Variants in MCUB observed in about 807,000 individuals in gnomAD.
The protein encoded by MCUB is calcium uniporter regulatory subunit MCUb, mitochondrial.
MCUB carries 46 observed loss-of-function variants against 41.4 expected under a neutral mutation model. That is an observed-to-expected ratio of 1.11 (90% CI 0.88 to 1.42). The LOEUF (loss-of-function observed/expected upper bound fraction) is 1.42, where lower values mean the gene tolerates loss of function less well. MCUB is among the 40% of genes most tolerant of loss of function. The probability of loss-of-function intolerance (pLI) is 0.00; values close to 1 mark genes in which losing one functional copy is unlikely to be tolerated. For synonymous variants in MCUB, 148 were observed against 148.2 expected, an observed-to-expected ratio of 1.00 and a Z score of 0.01; for missense variants, 403 against 404.9, an observed-to-expected ratio of 1.00 and a Z score of 0.04.
At chr4:109,676,355 A>G (rs1325765978) in intron 4 of MCUB, among the ~76,000 whole-genome samples, 1 of 152,210 alleles carries the variant, frequency 6.6e-6, no homozygotes, top group Non-Finnish European at 1.5e-5. Context: ...TGTGGCCAAC[A>G]TAGTGAAACC....
At chr4:109,683,591 CTTATT>C (rs1027551106) in intron 5 of MCUB, among the ~76,000 whole-genome samples, 3 of 152,110 alleles carry the variant, frequency 2.0e-5, no homozygotes, top group Admixed American at 6.5e-5. Flanking sequence ...CAAATACATT[CTTATT>C]TTATTCTCTT....
At chr4:109,618,458 T>C (rs1285740216) in intron 1 of MCUB, among the ~76,000 whole-genome samples, 1 of 152,226 alleles carries the variant, frequency 6.6e-6, no homozygotes, top group Admixed American at 6.5e-5. Context: ...TTCTCCTGCT[T>C]TATGATAAGA....
At position 109,687,241 on chromosome 4, in the gene MCUB, C is replaced by T. The variant is rs535837068; in HGVS notation, c.934-274C>T. ...GGGCATGGTGGTGGGCACCTGTGGTCCTAGCTACTTGGGAGGCTGAGGCAG... is the reference window on the plus strand; with the variant it reads ...GGGCATGGTGGTGGGCACCTGTGGTTCTAGCTACTTGGGAGGCTGAGGCAG... On this transcript the variant is annotated intron_variant, in intron 7 of 7. Transcript: ENST00000394650. 3.2e-4 allele frequency among the ~76,000 whole-genome samples: 48 copies of T among 152,082 alleles called. No homozygotes were observed. The South Asian group carries it at 9.4e-3, about 30-fold the overall frequency.
intron 6 of MCUB, 68 bp downstream of exon 6, chr4:109,684,714 A>G (rs1579100958): frequency 4.0e-6 from 3 of 747,258 alleles, no homozygotes; most frequent in Non-Finnish European, 6.8e-6. Flanking sequence ...CTAAGCAATG[A>G]GCAAAAAAGC....
chr4:109,599,611 C>A (rs56342744), intron 1 of MCUB, among the ~76,000 whole-genome samples: 11 of 152,068 alleles, frequency 7.2e-5, no homozygotes, highest in Non-Finnish European at 1.5e-4. Context: ...TAGTCTGGCC[C>A]TAGAGAAAAC....
rs199541968 is a variant in MCUB at position 109,598,422 on chromosome 4, G to A, written c.99+37986G>A. Among the ~76,000 whole-genome samples the A allele has an allele frequency of 5.0e-4, 76 of 152,172 alleles. No individual in the cohort carries two copies. The East Asian group carries it at 9.1e-3, about 18-fold the overall frequency. On this transcript the variant is annotated intron_variant, in intron 1 of 7. Coordinates refer to ENST00000394650, the MANE Select transcript of MCUB (RefSeq NM_017918.5). ...GGCCAGGCCAACACAGCGAAACCCCGTCTCCACCAAAAAAAATACGAAAAC... is the reference window on the plus strand; with the variant it reads ...GGCCAGGCCAACACAGCGAAACCCCATCTCCACCAAAAAAAATACGAAAAC...
At chr4:109,656,486 C>T (rs1202271643) in intron 1 of MCUB, among the ~76,000 whole-genome samples, 2 of 150,204 alleles carry the variant, frequency 1.3e-5, no homozygotes, top group African/African-American at 4.9e-5. Context: ...AAGCAATCCT[C>T]CTGCCTCAGC....
intron 1 of MCUB, among the ~76,000 whole-genome samples, chr4:109,580,494 C>T (rs1207234500): frequency 6.6e-6 from 1 of 152,236 alleles, no homozygotes; most frequent in Non-Finnish European, 1.5e-5. Flanking sequence ...ACACTCCCAA[C>T]AACAGTGTAA....
At chr4:109,573,806 G>A (rs1726967769) in intron 1 of MCUB, among the ~76,000 whole-genome samples, 3 of 151,922 alleles carry the variant, frequency 2.0e-5, no homozygotes, top group Admixed American at 2.0e-4. Flanking sequence ...GGACAGGGAG[G>A]TGCATTCAGA....
intron 1 of MCUB, among the ~76,000 whole-genome samples, chr4:109,596,725 C>CT (rs34686512): frequency 0.37 from 39,684 of 106,088 alleles, 5,324 homozygotes; most frequent in South Asian, 0.45. Context: ...TCTTAAACTT[C>CT]TTTTTTTTTT....
chr4:109,609,335 G>A (rs1197269589), intron 1 of MCUB, among the ~76,000 whole-genome samples: 1 of 152,196 alleles, frequency 6.6e-6, no homozygotes, highest in African/African-American at 2.4e-5. Flanking sequence ...TAAACAAGGG[G>A]TAGATTATTC....
At chr4:109,613,068 T>A in intron 1 of MCUB, among the ~76,000 whole-genome samples, 1 of 152,010 alleles carries the variant, frequency 6.6e-6, no homozygotes, top group Non-Finnish European at 1.5e-5. Context: ...ATCACACCAC[T>A]GCACTCCAGC....
rs540870381 is a variant in MCUB at position 109,569,171 on chromosome 4, C to T, written c.99+8735C>T. 1.3e-4 allele frequency among the ~76,000 whole-genome samples: 20 copies of T among 152,018 alleles called. 1 individual carries two copies. In the South Asian group the frequency reaches 3.7e-3, roughly 28 times the overall value. ...ACGCCATTCTCCTGCCTCAGCCTCCCGAGTAGCTGGGACTACAGGTGCCTG... is the reference window on the plus strand; with the variant it reads ...ACGCCATTCTCCTGCCTCAGCCTCCTGAGTAGCTGGGACTACAGGTGCCTG... On this transcript the variant is annotated intron_variant, in intron 1 of 7. Transcript: ENST00000394650.
At chr4:109,610,330 T>C (rs1001750942) in intron 1 of MCUB, among the ~76,000 whole-genome samples, 3 of 151,922 alleles carry the variant, frequency 2.0e-5, no homozygotes, top group African/African-American at 4.8e-5. Flanking sequence ...GTGTAGATGC[T>C]AAATTTGGTG....
At chr4:109,576,999 G>GCA (rs1727045987) in intron 1 of MCUB, among the ~76,000 whole-genome samples, 1 of 152,092 alleles carries the variant, frequency 6.6e-6, no homozygotes, top group African/African-American at 2.4e-5. Flanking sequence ...TTACAAGCAT[G>GCA]TGCCACCACG....
At chr4:109,613,097 C>T (rs1728053786) in intron 1 of MCUB, among the ~76,000 whole-genome samples, 1 of 151,738 alleles carries the variant, frequency 6.6e-6, no homozygotes. Context: ...CAGGACCAGA[C>T]TCCATCTCAA....
chr4:109,645,642 G>A (rs1579080744), intron 1 of MCUB, among the ~76,000 whole-genome samples: 1 of 151,964 alleles, frequency 6.6e-6, no homozygotes, highest in Non-Finnish European at 1.5e-5. Context: ...TTTCTTGAAC[G>A]TGGCATGCTG....
intron 1 of MCUB, among the ~76,000 whole-genome samples, chr4:109,594,436 C>T (rs1449319760): frequency 6.6e-6 from 1 of 152,178 alleles, no homozygotes; most frequent in Non-Finnish European, 1.5e-5. Context: ...TTACTAGACA[C>T]TGGTATTAAA....
chr4:109,647,600 T>G (rs1442947970), intron 1 of MCUB, among the ~76,000 whole-genome samples: 11 of 152,248 alleles, frequency 7.2e-5, no homozygotes, highest in Admixed American at 6.5e-4. Flanking sequence ...AAGAACATAT[T>G]GGCTGCTTCC....
Sources: allele counts gnomAD v4.1 joint callset (sites outside exome capture counted in the v4.1 genomes callset), GRCh38; gene constraint gnomAD v4.1.1; transcripts MANE v1.5; gene names NCBI Gene and HGNC (gene_info 2026-07-23, HGNC 2026-07-21).